PNOC: variants seen among roughly 807,000 people sequenced by gnomAD.
PNOC encodes prepronociceptin, also known as nociceptin.
PNOC carries 10 observed loss-of-function variants against 15.6 expected under a neutral mutation model. The ratio of observed to expected loss-of-function variants is 0.64; its 90% CI spans 0.40 to 1.09. PNOC has a LOEUF of 1.09. PNOC is among the 50% of genes least tolerant of loss of function. The pLI, the probability that PNOC is intolerant of heterozygous loss-of-function variation, is 0.01. For missense variants in PNOC, 220 were observed against 223.9 expected (o/e 0.98, Z 0.11); for synonymous variants, 98 against 88.5 (o/e 1.11, Z -0.60).
chr8:28,327,187 T>G (rs1801238816), intron 1 of PNOC, among the ~76,000 whole-genome samples: 1 of 152,222 alleles, frequency 6.6e-6, no homozygotes, highest in Non-Finnish European at 1.5e-5. Flanking sequence ...CTTTGTTCCT[T>G]TTCCATTTAA....
chr8:28,340,835 C>T (rs954946845), intron 3 of PNOC, among the ~76,000 whole-genome samples: 6 of 152,196 alleles, frequency 3.9e-5, no homozygotes, highest in East Asian at 3.8e-4. Flanking sequence ...AGATCTCCCA[C>T]GAACTCATTA....
intron 1 of PNOC, among the ~76,000 whole-genome samples, chr8:28,324,659 T>A (rs538769676): frequency 6.6e-6 from 1 of 152,090 alleles, no homozygotes; most frequent in South Asian, 2.1e-4. Flanking sequence ...AGGTCAGGAG[T>A]TCGAGACCAG....
At chr8:28,338,414 C>G (rs17058979) in intron 2 of PNOC, among the ~76,000 whole-genome samples, 1 of 152,056 alleles carries the variant, frequency 6.6e-6, no homozygotes, top group African/African-American at 2.4e-5. Flanking sequence ...ACACCTGGAA[C>G]TGGATCACAG....
rs138532892 is a variant in PNOC at position 28,341,868 on chromosome 8, G to A, written c.*48-1074G>A. Among the ~76,000 whole-genome samples, 5 of 152,214 alleles carry A rather than the reference G, an allele frequency of 3.3e-5. No homozygotes were observed. In the East Asian group the frequency reaches 7.7e-4, roughly 24 times the overall value. ...GGATATTTATAAGTCTATAACAGCC[G>A]GCTTCAACCTTGTTTTCATCCACAT... is the stretch of plus-strand genomic sequence containing the variant. On this transcript the variant is annotated intron_variant, in intron 3 of 3. Coordinates refer to ENST00000301908, the MANE Select transcript of PNOC (RefSeq NM_006228.5).
At chr8:28,325,687 G>A (rs2645727) in intron 1 of PNOC, among the ~76,000 whole-genome samples, 1,769 of 67,630 alleles carry the variant, frequency 0.026, 50 homozygotes, top group Middle Eastern at 0.071. Context: ...AAAAAAAAAA[G>A]AAAGACATTA....
At chr8:28,332,268 A>T (rs1278542529) in intron 2 of PNOC, among the ~76,000 whole-genome samples, 1 of 152,144 alleles carries the variant, frequency 6.6e-6, no homozygotes, top group Non-Finnish European at 1.5e-5. Flanking sequence ...ACTCAAATCC[A>T]TTTCCAAATC....
At chr8:28,320,940 G>C (rs186494630) in intron 1 of PNOC, among the ~76,000 whole-genome samples, 9 of 151,334 alleles carry the variant, frequency 5.9e-5, no homozygotes, top group Non-Finnish European at 1.3e-4. Context: ...TTTTAGAAAA[G>C]AACACCGAAT....
At chr8:28,329,060 C>A in intron 1 of PNOC, 75 bp from the exon 2 acceptor site, 1 of 1,431,868 alleles carries the variant, frequency 7.0e-7, no homozygotes. Flanking sequence ...CCTGCATTCT[C>A]TGGGTTAGGT....
At chr8:28,323,407 G>A (rs561559979) in intron 1 of PNOC, among the ~76,000 whole-genome samples, 1 of 152,294 alleles carries the variant, frequency 6.6e-6, no homozygotes, top group South Asian at 2.1e-4. Flanking sequence ...TTGATTTACT[G>A]ATGTTTGCTA....
rs558021172 is a variant in PNOC, at chr8:28,343,042, C to T, written c.*148C>T. On this transcript the variant is annotated 3_prime_UTR_variant, in exon 4 of 4. Coordinates refer to ENST00000301908, the MANE Select transcript of PNOC (RefSeq NM_006228.5). Reference sequence around the variant, plus strand: ...CAAGGCACTGAGCGCCTGCAGATCCCGCAGGCTTCGTTTGCCTCCAGAACC... The same window carrying T: ...CAAGGCACTGAGCGCCTGCAGATCCTGCAGGCTTCGTTTGCCTCCAGAACC... 1.3e-3 allele frequency: 1,254 copies of T among 977,798 alleles called. 4 individuals carry two copies. The highest frequency in any genetic ancestry group is 4.2e-3 in the Middle Eastern group (8 of 1,894). 60.6% of individuals were successfully genotyped at this position (977,798 alleles called of 1,614,324 possible).
intron 2 of PNOC, among the ~76,000 whole-genome samples, chr8:28,330,253 C>T (rs1801299583): frequency 6.6e-6 from 1 of 151,740 alleles, no homozygotes; most frequent in African/African-American, 2.4e-5. Context: ...TCCGCATAGC[C>T]ATTTTATATA....
chr8:28,328,230 G>GAT (rs1033107311), intron 1 of PNOC, among the ~76,000 whole-genome samples: 62 of 150,822 alleles, frequency 4.1e-4, no homozygotes, highest in African/African-American at 1.2e-3. Flanking sequence ...ACCACACCCG[G>GAT]ATATATATAT....
chr8:28,337,874 C>A (rs376646622), intron 2 of PNOC, among the ~76,000 whole-genome samples: 18 of 152,126 alleles, frequency 1.2e-4, no homozygotes, highest in Middle Eastern at 3.4e-3. Flanking sequence ...TACAGGCGTG[C>A]GCCACCGCAC....
chr8:28,338,669 T>C, intron 2 of PNOC: 1 of 1,009,862 alleles, frequency 9.9e-7, no homozygotes, highest in East Asian at 9.9e-5. Context: ...AAATTCTTTA[T>C]GGGTGACAGT....
At chr8:28,323,042 G>A (rs1013685608) in intron 1 of PNOC, among the ~76,000 whole-genome samples, 2 of 152,210 alleles carry the variant, frequency 1.3e-5, no homozygotes, top group Admixed American at 6.5e-5. Flanking sequence ...TCTGCTGGCA[G>A]CATCAAAATT....
Position 28,324,418 on chromosome 8 carries a change from T to C in PNOC, c.-23-4717T>C, listed in dbSNP as rs79368565. Among the ~76,000 whole-genome samples, 59 of 152,264 alleles carry C rather than the reference T, an allele frequency of 3.9e-4. 1 individual carries two copies. The East Asian group carries it at 0.011, about 28-fold the overall frequency. On this transcript the variant is annotated intron_variant, in intron 1 of 3. Transcript: ENST00000301908. The stretch of plus-strand genomic sequence containing the variant: ...GCACACATTCTGTATTACAACCTCA[T>C]ATTAGGAAGGAAAGGAAACGGCTCC...
In PNOC at chr8:28,320,868, A is replaced by G. The variant is rs867661813; in HGVS notation, c.-24+3552A>G. Among the ~76,000 whole-genome samples, 484 of 151,470 alleles carry G rather than the reference A, an allele frequency of 3.2e-3. 1 individual carries two copies. Among genetic ancestry groups the G allele is most frequent in the African/African-American group, 0.01 (430 of 41,356 alleles). On this transcript the variant is annotated intron_variant, in intron 1 of 3. Coordinates refer to ENST00000301908, the MANE Select transcript of PNOC (RefSeq NM_006228.5). ...TCCATCTCAAAAAAAAAAAAAAAAAAGAAGAAGAAGTTTGAAGATTGTTGT... is the reference window on the plus strand; with the variant it reads ...TCCATCTCAAAAAAAAAAAAAAAAAGGAAGAAGAAGTTTGAAGATTGTTGT...
intron 2 of PNOC, chr8:28,338,777 G>C: frequency 8.4e-7 from 1 of 1,196,122 alleles, no homozygotes. Flanking sequence ...TTAACGTGCT[G>C]TGACACCAGA....
At chr8:28,336,863 G>A (rs1285962124) in intron 2 of PNOC, among the ~76,000 whole-genome samples, 4 of 151,882 alleles carry the variant, frequency 2.6e-5, no homozygotes, top group African/African-American at 9.7e-5. Context: ...GGCAGGATGG[G>A]GGCAGTGAGA....
Sources: allele counts gnomAD v4.1 joint callset (sites outside exome capture counted in the v4.1 genomes callset), GRCh38; gene constraint gnomAD v4.1.1; transcripts MANE v1.5; gene names NCBI Gene and HGNC (gene_info 2026-07-23, HGNC 2026-07-21).